Variants in PTPN20 observed in about 807,000 individuals in gnomAD.
PTPN20 encodes the protein protein tyrosine phosphatase non-receptor type 20, also known as tyrosine-protein phosphatase non-receptor type 20.
In PTPN20, 9 loss-of-function variants were observed where a neutral mutation model predicts 35.0. The observed-to-expected ratio is 0.26, with a 90% CI of 0.15 to 0.45. The LOEUF (loss-of-function observed/expected upper bound fraction) is 0.45, where lower values mean the gene tolerates loss of function less well. Among genes scored for constraint, PTPN20 ranks in the 20% least tolerant of loss-of-function variants. The pLI is 1.00. For missense variants in PTPN20, 111 were observed against 312.5 expected (o/e 0.36, Z 4.86); for synonymous variants, 32 against 100.2 (o/e 0.32, Z 4.06).
chr10:46,947,070 G>A lies in PTPN20; in HGVS notation c.340+395G>A, dbSNP rs1477498515. 3.0e-5 allele frequency among the ~76,000 whole-genome samples: 4 copies of A among 135,216 alleles called. No homozygotes were observed. In the East Asian group the frequency reaches 1.0e-3, roughly 35 times the overall value. The allele number at this position is 135,216 out of a possible 152,430, so 88.7% of individuals were successfully genotyped here. ...TTACAAATTATCACATGTTTATAGT[G>A]GAAAAAAAGACAATAACAAATATAT... is the stretch of plus-strand genomic sequence containing the variant. On this transcript the variant is annotated intron_variant, in intron 5 of 10. Transcript: ENST00000374339.
chr10:46,997,909 A>G (rs1453021587), intron 9 of PTPN20, among the ~76,000 whole-genome samples: 2 of 152,152 alleles, frequency 1.3e-5, no homozygotes, highest in East Asian at 3.9e-4. Context: ...ACAGCACCCC[A>G]TGCTGATGAA....
chr10:46,997,415 A>G (rs1417449697), intron 9 of PTPN20, among the ~76,000 whole-genome samples: 1 of 150,772 alleles, frequency 6.6e-6, no homozygotes, highest in Non-Finnish European at 1.5e-5. Flanking sequence ...CAGTCATGCC[A>G]TGTGCATATA....
intron 3 of PTPN20, among the ~76,000 whole-genome samples, chr10:46,941,372 G>C (rs1339548170): frequency 7.5e-6 from 1 of 134,138 alleles, no homozygotes; most frequent in East Asian, 2.2e-4. Flanking sequence ...CAGGTGGGCA[G>C]GAGTGCAGCT....
chr10:46,945,585 G>C (rs1381376379), intron 4 of PTPN20, among the ~76,000 whole-genome samples: 1 of 152,224 alleles, frequency 6.6e-6, no homozygotes, highest in African/African-American at 2.4e-5. Context: ...GATTTATCCT[G>C]ATATTGGTGG....
chr10:46,978,949 G>C (rs1277880951), intron 7 of PTPN20, among the ~76,000 whole-genome samples: 2 of 151,090 alleles, frequency 1.3e-5, no homozygotes, highest in Non-Finnish European at 3.0e-5. Context: ...GTAAGCAGAA[G>C]AGTTCTAGGT....
At chr10:47,000,024 A>T in intron 10 of PTPN20, 50 bp downstream of exon 10, 1 of 1,606,402 alleles carries the variant, frequency 6.2e-7, no homozygotes, top group Non-Finnish European at 8.5e-7. Flanking sequence ...TATAAAGATT[A>T]ACATTGCATA....
chr10:46,992,227 A>G (rs1041252851), intron 9 of PTPN20, among the ~76,000 whole-genome samples: 8 of 151,194 alleles, frequency 5.3e-5, no homozygotes, highest in African/African-American at 1.9e-4. Context: ...GGTTCAAGCA[A>G]TTTTCATGCC....
chr10:46,999,963 G>T lies in PTPN20; in HGVS notation c.1186G>T (p.Val396Phe). 1 of 1,613,764 alleles carries T rather than the reference G, an allele frequency of 6.2e-7. No homozygotes were observed. Among genetic ancestry groups the T allele is most frequent in the Non-Finnish European group, 8.5e-7 (1 of 1,179,716 alleles). Reference sequence around the variant, plus strand: ...AATGAGAGAACAACGTTCTGGCATGGTTCAAACGAAGGTAAGCTTTCACCA... The same window carrying T: ...AATGAGAGAACAACGTTCTGGCATGTTTCAAACGAAGGTAAGCTTTCACCA... ...AQMREQRSGM[V>F]QTKEQYHFCY... is the part of the protein sequence containing the mutation. The change falls in exon 10 of 11, where the codon GTT becomes TTT. Residue 396 changes from valine (V) to phenylalanine (F), a missense_variant. Physicochemically the swap from Val to Phe is conservative, Grantham distance 50. Coordinates refer to ENST00000374339, the MANE Select transcript of PTPN20 (RefSeq NM_001042357.5).
At chr10:46,997,730 A>C in intron 9 of PTPN20, among the ~76,000 whole-genome samples, 1 of 152,228 alleles carries the variant, frequency 6.6e-6, no homozygotes, top group African/African-American at 2.4e-5. Flanking sequence ...AAAAAAAAAG[A>C]AAAACAGAAA....
At chr10:46,951,021 A>C (rs1301778979) in intron 5 of PTPN20, among the ~76,000 whole-genome samples, 3 of 145,644 alleles carry the variant, frequency 2.1e-5, no homozygotes, top group African/African-American at 8.3e-5. Flanking sequence ...ATATATTTAC[A>C]TGTATTTCCT....
intron 5 of PTPN20, among the ~76,000 whole-genome samples, chr10:46,953,337 TTCTTTCTTTC>T (rs1555148562): frequency 1.8e-5 from 1 of 55,964 alleles, no homozygotes; most frequent in African/African-American, 1.0e-4. Context: ...TTCATTTCTT[TTCTTTCTTTC>T]TTTCTTTCTT....
At chr10:46,983,164 C>A (rs1357407248) in intron 7 of PTPN20, among the ~76,000 whole-genome samples, 7 of 151,236 alleles carry the variant, frequency 4.6e-5, no homozygotes, top group African/African-American at 1.7e-4. Context: ...GCAGCCTCCG[C>A]CTCCCTGGTT....
chr10:46,945,728 A>G (rs1387197785), intron 4 of PTPN20, among the ~76,000 whole-genome samples: 3 of 151,570 alleles, frequency 2.0e-5, no homozygotes, highest in Non-Finnish European at 4.4e-5. Flanking sequence ...AGTTAATAGC[A>G]TTAGCGAGTC....
intron 1 of PTPN20, among the ~76,000 whole-genome samples, chr10:46,928,311 A>G (rs1589241062): frequency 6.6e-6 from 1 of 152,112 alleles, no homozygotes; most frequent in East Asian, 1.9e-4. Context: ...ACTTGCATTA[A>G]TAACTTGATA....
At chr10:46,940,191 T>C in intron 2 of PTPN20, among the ~76,000 whole-genome samples, 1 of 148,416 alleles carries the variant, frequency 6.7e-6, no homozygotes, top group Non-Finnish European at 1.5e-5. Context: ...TACTAACTTA[T>C]GAATTATAAA....
rs567518346 is a variant in PTPN20, at chr10:46,930,264, G to A, written c.-123-2113G>A. On this transcript the variant is annotated intron_variant, in intron 1 of 10. Coordinates refer to ENST00000374339, the MANE Select transcript of PTPN20 (RefSeq NM_001042357.5). Reference sequence around the variant, plus strand: ...TATATAAAGAGGATAAGTCATTGGGGTAAAGGACCATTCACATATTTATTT... The same window carrying A: ...TATATAAAGAGGATAAGTCATTGGGATAAAGGACCATTCACATATTTATTT... Among the ~76,000 whole-genome samples the A allele has an allele frequency of 6.4e-3, 763 of 118,436 alleles. 27 individuals are homozygous for A. Among genetic ancestry groups the A allele is most frequent in the Non-Finnish European group, 8.8e-3 (517 of 59,032 alleles). The allele number at this position is 118,436 out of a possible 152,430, so 77.7% of individuals were successfully genotyped here.
intron 1 of PTPN20, among the ~76,000 whole-genome samples, chr10:46,929,652 A>G (rs1222294171): frequency 6.6e-6 from 1 of 150,416 alleles, no homozygotes; most frequent in Non-Finnish European, 1.5e-5. Flanking sequence ...AAAATGTTAC[A>G]GTTTCTGTCC....
chr10:46,952,488 T>G, intron 5 of PTPN20, among the ~76,000 whole-genome samples: 1 of 143,984 alleles, frequency 6.9e-6, no homozygotes, highest in East Asian at 2.2e-4. Flanking sequence ...ATGATATATA[T>G]ATATGTATAA....
At chr10:46,994,498 A>AT (rs1186564855) in intron 9 of PTPN20, among the ~76,000 whole-genome samples, 18 of 150,948 alleles carry the variant, frequency 1.2e-4, no homozygotes, top group Non-Finnish European at 2.1e-4. Context: ...CGCCCGGCTA[A>AT]TTTTTTTGTA....
Sources: allele counts gnomAD v4.1 joint callset (sites outside exome capture counted in the v4.1 genomes callset), GRCh38; gene constraint gnomAD v4.1.1; transcripts MANE v1.5; gene names NCBI Gene and HGNC (gene_info 2026-07-23, HGNC 2026-07-21).